MARF1: variants seen among roughly 807,000 people sequenced by gnomAD.
MARF1 encodes limkain-b1.
MARF1 carries 24 observed loss-of-function variants against 168.2 expected under a neutral mutation model. The ratio of observed to expected loss-of-function variants is 0.14; its 90% CI spans 0.10 to 0.20. The LOEUF (loss-of-function observed/expected upper bound fraction) is 0.20. Among genes scored for constraint, MARF1 ranks in the 10% least tolerant of loss-of-function variants. The pLI is 1.00. For missense variants in MARF1, 1,744 were observed against 2,143.6 expected (o/e 0.81, Z 3.68); for synonymous variants, 868 against 822.4 (o/e 1.06, Z -0.95).
At chr16:15,639,412 T>C in intron 1 of MARF1, 121 bp from the exon 2 acceptor site, 1 of 687,534 alleles carries the variant, frequency 1.5e-6, no homozygotes, top group Non-Finnish European at 2.4e-6. Flanking sequence ...ATTCAAATCT[T>C]TGTTTCAAGA....
intron 25 of MARF1, 192 bp from the exon 26 acceptor site, chr16:15,599,216 G>C: frequency 3.2e-6 from 2 of 617,242 alleles, no homozygotes; most frequent in Non-Finnish European, 5.6e-6. Context: ...CCTGGTAATG[G>C]AACGCCTTAA....
intron 16 of MARF1, among the ~76,000 whole-genome samples, chr16:15,613,661 C>CAATAAATAATA (rs74800793): frequency 0.034 from 4,313 of 126,646 alleles, 108 homozygotes; most frequent in Non-Finnish European, 0.054. Context: ...GATTCCGTCT[C>CAATAAATAATA]AATAAATAAA....
In MARF1 at chr16:15,609,014, G is replaced by A. The variant is rs138929490; in HGVS notation, c.3955-496C>T. On this transcript the variant is annotated intron_variant, in intron 20 of 26. Transcript: ENST00000396368. ...AGCACTCTGGGAGGCTGAGACAGGCGGATCAACTGAGGTCAGGAGCTCAAG... is the reference window on the plus strand; with the variant it reads ...AGCACTCTGGGAGGCTGAGACAGGCAGATCAACTGAGGTCAGGAGCTCAAG... Among the ~76,000 whole-genome samples the A allele has an allele frequency of 9.1e-3, 1,389 of 152,286 alleles. 11 individuals carry two copies. Among genetic ancestry groups the A allele is most frequent in the Non-Finnish European group, 0.014 (981 of 68,014 alleles).
intron 22 of MARF1, chr16:15,602,529 C>T (rs556323490): frequency 2.5e-4 from 119 of 467,800 alleles, no homozygotes; most frequent in Middle Eastern, 5.5e-4. Flanking sequence ...ACGAAGACGA[C>T]GATAAAGAAG....
At chr16:15,639,006 A>T in intron 2 of MARF1, 84 bp downstream of exon 2, 2 of 1,379,336 alleles carry the variant, frequency 1.4e-6, no homozygotes, top group Non-Finnish European at 2.0e-6. Flanking sequence ...CTCTAGGATG[A>T]GAGACTGTAT....
chr16:15,613,688 T>TAAATAAATAAATAAATAAATAAAA (rs1218152752), intron 16 of MARF1, among the ~76,000 whole-genome samples: 14 of 144,006 alleles, frequency 9.7e-5, no homozygotes, highest in Admixed American at 1.4e-4. Context: ...AATAAATAAA[T>TAAATAAATAAATAAATAAATAAAA]AAAATAAAAT....
At chr16:15,609,459 G>T in intron 20 of MARF1, 64 bp downstream of exon 20, 1 of 1,389,514 alleles carries the variant, frequency 7.2e-7, no homozygotes, top group Non-Finnish European at 1.0e-6. Flanking sequence ...TCTGGAACGT[G>T]AAAAAGTATT....
intron 20 of MARF1, among the ~76,000 whole-genome samples, chr16:15,609,245 A>G (rs1235680222): frequency 6.6e-6 from 1 of 152,070 alleles, no homozygotes; most frequent in African/African-American, 2.4e-5. Flanking sequence ...GTCTCAAAAA[A>G]CAAAAACAAA....
rs2033536337 is a variant in MARF1, at chr16:15,611,419, A to ACTACACTCCAGC, written c.3617+172_3617+173insGCTGGAGTGTAG. On this transcript the variant is annotated intron_variant, in intron 18 of 26. Transcript: ENST00000396368. The stretch of plus-strand genomic sequence containing the variant: ...GCTTGCAGTGAGCCAAGATCGTGCC[A>ACTACACTCCAGC]CTGGGCGACAGAGCGAGACTCCGTC... Among the ~76,000 whole-genome samples the ACTACACTCCAGC allele has an allele frequency of 3.4e-5, 5 of 145,552 alleles. No homozygotes were observed. In the South Asian group the frequency reaches 1.1e-3, roughly 33 times the overall value.
At position 15,609,585 on chromosome 16, in the gene MARF1, G is replaced by C; in HGVS notation, c.3892C>G (p.Leu1298Val). 1 of 1,614,182 alleles carries C rather than the reference G, an allele frequency of 6.2e-7. No individual in the cohort carries two copies. Among genetic ancestry groups the C allele is most frequent in the Non-Finnish European group, 8.5e-7 (1 of 1,180,024 alleles). ...YHHHFGRQCK[L>V]AYYGFTKLLE... ...AGTTTGGTAAACCCATAGTACGCAAGTTTGCACTGCCGGCCAAAGTGGTGA... is the reference window on the plus strand; with the variant it reads ...AGTTTGGTAAACCCATAGTACGCAACTTTGCACTGCCGGCCAAAGTGGTGA... Residue 1298 changes from leucine (L) to valine (V), a missense_variant, in exon 20 of 27, where the codon CTT becomes GTT. Transcript: ENST00000396368.
At chr16:15,635,008 A>C in intron 3 of MARF1, 77 bp from the exon 4 acceptor site, 2 of 1,263,504 alleles carry the variant, frequency 1.6e-6, no homozygotes. Flanking sequence ...ACAACAACTG[A>C]AAATACACTC....
At chr16:15,602,805 G>C (rs975631705) in intron 22 of MARF1, 1 of 355,908 alleles carries the variant, frequency 2.8e-6, no homozygotes, top group Non-Finnish European at 5.4e-6. Context: ...GGCAAATCAC[G>C]GTACACACAG....
intron 13 of MARF1, among the ~76,000 whole-genome samples, chr16:15,619,243 C>G (rs920881123): frequency 2.0e-5 from 3 of 152,224 alleles, no homozygotes. Context: ...TGCCCCTGCA[C>G]TACACCCTGG....
intron 22 of MARF1, among the ~76,000 whole-genome samples, chr16:15,603,273 T>C (rs1295716615): frequency 1.3e-5 from 2 of 152,272 alleles, no homozygotes; most frequent in Non-Finnish European, 2.9e-5. Context: ...GTTTTTGGTA[T>C]TAAATTTATT....
Position 15,617,625 on chromosome 16 carries a change from C to T in MARF1, c.2721-90G>A. The T allele has an allele frequency of 3.6e-6, 3 of 836,640 alleles. No individual in the cohort carries two copies. In the East Asian group the frequency reaches 7.3e-5, roughly 20 times the overall value. 51.8% of individuals were successfully genotyped at this position (836,640 alleles called of 1,614,324 possible). A position where few individuals can be genotyped will look rare whatever the true frequency, so the allele number is the denominator to read the frequency against. On this transcript the variant is annotated intron_variant, in intron 13 of 26. Transcript: ENST00000396368. Reference sequence around the variant, plus strand: ...TCCTGTTTAAATAAAGAACAATAACCAAGAATGGTTCCTCCATCTCTTCAA... The same window carrying T: ...TCCTGTTTAAATAAAGAACAATAACTAAGAATGGTTCCTCCATCTCTTCAA...
intron 25 of MARF1, among the ~76,000 whole-genome samples, chr16:15,599,737 T>A (rs1016683984): frequency 2.0e-5 from 3 of 152,236 alleles, no homozygotes; most frequent in Non-Finnish European, 4.4e-5. Context: ...GAAATCTATG[T>A]GACTCAGTGT....
intron 10 of MARF1, among the ~76,000 whole-genome samples, chr16:15,624,270 A>C (rs1164363823): frequency 6.6e-6 from 1 of 152,208 alleles, no homozygotes; most frequent in Non-Finnish European, 1.5e-5. Flanking sequence ...CAGAACAAAC[A>C]CAATGCTAAA....
intron 13 of MARF1, among the ~76,000 whole-genome samples, chr16:15,619,577 G>C (rs9302517): frequency 6.6e-6 from 1 of 152,034 alleles, no homozygotes; most frequent in Non-Finnish European, 1.5e-5. Context: ...CAAGTTCCTT[G>C]TTCTTCCCTT....
chr16:15,634,712 G>A, intron 4 of MARF1, 45 bp downstream of exon 4: 2 of 1,557,802 alleles, frequency 1.3e-6, no homozygotes, highest in South Asian at 2.3e-5. Context: ...ATGAGATATT[G>A]AAAGCTATTT....
Sources: gnomAD v4.1 joint callset for allele counts (sites outside exome capture counted in the v4.1 genomes callset) on GRCh38, gnomAD v4.1.1 for gene constraint, MANE v1.5 for transcripts, NCBI Gene and HGNC (gene_info 2026-07-23, HGNC 2026-07-21) for gene names.